DLGAP2: variants seen among roughly 807,000 people sequenced by gnomAD.
The protein encoded by DLGAP2 is disks large-associated protein 2.
In DLGAP2, 26 loss-of-function variants were observed where a neutral mutation model predicts 100.3. The observed-to-expected ratio is 0.26, with a 90% CI of 0.19 to 0.36. The LOEUF (loss-of-function observed/expected upper bound fraction) is 0.36. Ranked by LOEUF, DLGAP2 falls within the 10% of genes least tolerant of loss-of-function variation. DLGAP2 has a pLI of 1.00. For synonymous variants in DLGAP2, 886 were observed against 630.1 expected, an observed-to-expected ratio of 1.41 and a Z score of -6.08; for missense variants, 1,858 against 1,453.2, an observed-to-expected ratio of 1.28 and a Z score of -4.53.
chr8:1,148,432 T>C (rs1796642624), intron 2 of DLGAP2, among the ~76,000 whole-genome samples: 1 of 152,112 alleles, frequency 6.6e-6, no homozygotes, highest in South Asian at 2.1e-4. Flanking sequence ...TTTTTTTCCC[T>C]ACACTGTGTT....
intron 3 of DLGAP2, among the ~76,000 whole-genome samples, chr8:1,477,318 G>A (rs959097669): frequency 6.6e-6 from 1 of 152,202 alleles, no homozygotes; most frequent in African/African-American, 2.4e-5. Flanking sequence ...CCCAGGCCAT[G>A]TTGGTGGCAG....
At position 1,367,023 on chromosome 8, in the gene DLGAP2, C is replaced by T. The variant is rs73670789; in HGVS notation, c.106+108140C>T. 6.8e-4 allele frequency among the ~76,000 whole-genome samples: 104 copies of T among 152,154 alleles called. 1 individual carries two copies. Among genetic ancestry groups the T allele is most frequent in the African/African-American group, 2.4e-3 (99 of 41,484 alleles). Reference sequence around the variant, plus strand: ...ACAGTGTTAACATTTACATGGCAACCCCTCCAACACACACACATGTGACCA... The same window carrying T: ...ACAGTGTTAACATTTACATGGCAACTCCTCCAACACACACACATGTGACCA... On this transcript the variant is annotated intron_variant, in intron 3 of 14. Transcript: ENST00000637795.
intron 2 of DLGAP2, among the ~76,000 whole-genome samples, chr8:1,120,846 A>T (rs924116868): frequency 2.0e-5 from 3 of 151,592 alleles, no homozygotes; most frequent in Non-Finnish European, 4.4e-5. Context: ...ATGACCACCC[A>T]TCCTTGTCCC....
chr8:1,590,020 G>A (rs780722347), intron 6 of DLGAP2, among the ~76,000 whole-genome samples: 24 of 152,124 alleles, frequency 1.6e-4, no homozygotes, highest in Non-Finnish European at 2.6e-4. Context: ...GCAAGGCCTC[G>A]CTCCCTGCAC....
At chr8:950,066 C>A (rs183444873) in intron 2 of DLGAP2, among the ~76,000 whole-genome samples, 1 of 152,168 alleles carries the variant, frequency 6.6e-6, no homozygotes, top group Non-Finnish European at 1.5e-5. Flanking sequence ...TTTAGGACGC[C>A]TTATCTGCCC....
Position 1,249,803 on chromosome 8 carries a change from G to A in DLGAP2, c.74-9048G>A, listed in dbSNP as rs535013126. 6.6e-5 allele frequency among the ~76,000 whole-genome samples: 10 copies of A among 152,306 alleles called. No individual in the cohort carries two copies. In the South Asian group the frequency reaches 1.0e-3, roughly 16 times the overall value. On this transcript the variant is annotated intron_variant, in intron 2 of 14. Transcript: ENST00000637795. ...AGTTCTTAACCCTCGGTGCACATCC[G>A]TTAGGCAGTGAGCACATATTTGGGT...
At chr8:1,502,183 G>C (rs1799745111) in intron 4 of DLGAP2, among the ~76,000 whole-genome samples, 1 of 152,178 alleles carries the variant, frequency 6.6e-6, no homozygotes, top group Non-Finnish European at 1.5e-5. Context: ...TGCTGTCTGT[G>C]GTTATTCTCT....
intron 6 of DLGAP2, among the ~76,000 whole-genome samples, chr8:1,613,509 A>T (rs968677056): frequency 7.9e-5 from 12 of 151,346 alleles, no homozygotes; most frequent in Non-Finnish European, 1.6e-4. Flanking sequence ...AACCTGCACA[A>T]TGTGCACATG....
chr8:933,237 AC>A (rs1798999063), intron 2 of DLGAP2, among the ~76,000 whole-genome samples: 1 of 152,174 alleles, frequency 6.6e-6, no homozygotes, highest in Non-Finnish European at 1.5e-5. Flanking sequence ...TGCTTCCTTG[AC>A]CCCTGATCAT....
chr8:1,493,191 G>C (rs974966376), intron 3 of DLGAP2, among the ~76,000 whole-genome samples: 1 of 152,208 alleles, frequency 6.6e-6, no homozygotes, highest in African/African-American at 2.4e-5. Context: ...AACCCAGATG[G>C]CTGCCTTCAT....
At chr8:1,683,856 A>ATATATATATATATATATATATATG (rs1467438870) in intron 12 of DLGAP2, among the ~76,000 whole-genome samples, 5 of 62,228 alleles carry the variant, frequency 8.0e-5, no homozygotes, top group African/African-American at 4.2e-4. Flanking sequence ...ATATATATAT[A>ATATATATATATATATATATATATG]TGTGTGTGTG....
chr8:1,298,904 G>T (rs915312279), intron 3 of DLGAP2, among the ~76,000 whole-genome samples: 1 of 151,914 alleles, frequency 6.6e-6, no homozygotes, highest in Non-Finnish European at 1.5e-5. Context: ...GGAACGGGGG[G>T]AGAACCCGGG....
intron 2 of DLGAP2, among the ~76,000 whole-genome samples, chr8:1,041,019 A>G (rs568841963): frequency 2.6e-5 from 4 of 152,288 alleles, no homozygotes; most frequent in African/African-American, 9.6e-5. Flanking sequence ...ACTTTCAGCT[A>G]CTTTGTGTGA....
chr8:1,355,410 G>T (rs1356849015), intron 3 of DLGAP2, among the ~76,000 whole-genome samples: 1 of 152,046 alleles, frequency 6.6e-6, no homozygotes, highest in Non-Finnish European at 1.5e-5. Context: ...TGTCACCCAG[G>T]TTGGAGTGCA....
At chr8:1,626,688 C>T in intron 6 of DLGAP2, 52 bp from the exon 7 acceptor site, 1 of 1,554,296 alleles carries the variant, frequency 6.4e-7, no homozygotes, top group Non-Finnish European at 8.7e-7. Flanking sequence ...CCCACCTCTG[C>T]CCTGCAGCGG....
chr8:764,811 A>C (rs1821170592), intron 1 of DLGAP2, among the ~76,000 whole-genome samples: 1 of 152,172 alleles, frequency 6.6e-6, no homozygotes, highest in African/African-American at 2.4e-5. Flanking sequence ...CTAAGCAAAA[A>C]AGCAGTCTAT....
At chr8:1,604,416 C>G (rs1796727398) in intron 6 of DLGAP2, 2 of 152,170 alleles carry the variant, frequency 1.3e-5, no homozygotes, top group African/African-American at 4.8e-5. Flanking sequence ...AAAGTGTGGT[C>G]TGGCCCATAG....
intron 1 of DLGAP2, among the ~76,000 whole-genome samples, chr8:748,158 GCGGGTCTGCGGTGGGAT>G (rs1820694644): frequency 1.3e-5 from 1 of 75,908 alleles, no homozygotes; most frequent in African/African-American, 5.0e-5. Context: ...GGTGGGATGG[GCGGGTCTGCGGTGGGAT>G]GGGCGGGTCT....
Position 1,187,938 on chromosome 8 carries a change from C to T in DLGAP2, c.74-70913C>T, listed in dbSNP as rs1229057897. On this transcript the variant is annotated intron_variant, in intron 2 of 14. Coordinates refer to ENST00000637795, the MANE Select transcript of DLGAP2 (RefSeq NM_001346810.2). ...TTTGCCTCACGGAATCTTGCACGCC[C>T]GGGACTTCCGTGACGTTTCCCTCAC... Among the ~76,000 whole-genome samples, 9 of 125,624 alleles carry T rather than the reference C, an allele frequency of 7.2e-5. 1 individual carries two copies. Among genetic ancestry groups the T allele is most frequent in the South Asian group, 2.5e-4 (1 of 3,982 alleles). The allele number at this position is 125,624 out of a possible 152,430, so 82.4% of individuals were successfully genotyped here.
Sources: allele counts gnomAD v4.1 joint callset (sites outside exome capture counted in the v4.1 genomes callset), GRCh38; gene constraint gnomAD v4.1.1; transcripts MANE v1.5; gene names NCBI Gene and HGNC (gene_info 2026-07-23, HGNC 2026-07-21).